The following GLI3 variants were observed in gnomAD, a reference collection of about 807,000 sequenced individuals.
GLI3 encodes the protein transcription activator GLI3.
GLI3 carries 20 observed loss-of-function variants against 100.8 expected under a neutral mutation model. The observed-to-expected ratio is 0.20, with a 90% CI of 0.14 to 0.29. GLI3 has a LOEUF of 0.29. Ranked by LOEUF, GLI3 falls within the 10% of genes least tolerant of loss-of-function variation. The pLI is 1.00. For missense variants in GLI3, 2,040 were observed against 2,128.5 expected (o/e 0.96, Z 0.82); for synonymous variants, 938 against 860.5 (o/e 1.09, Z -1.58).
At chr7:42,240,740 C>T (rs780059885), upstream of GLI3, among the ~76,000 whole-genome samples, 29 of 152,142 alleles carry the variant, frequency 1.9e-4, no homozygotes, top group Non-Finnish European at 3.5e-4. Context: ...TTCTGAGGTT[C>T]CTAGGGTTAG....
intron 3 of GLI3, among the ~76,000 whole-genome samples, chr7:42,134,066 G>A (rs1341253808): frequency 6.8e-6 from 1 of 146,092 alleles, no homozygotes; most frequent in African/African-American, 2.5e-5. Context: ...GGGCAACAGA[G>A]CGAGACTCTG....
At position 42,155,833 on chromosome 7, in the gene GLI3, T is replaced by A. The variant is rs914246855; in HGVS notation, c.125-7365A>T. On this transcript the variant is annotated intron_variant, in intron 2 of 14. Coordinates refer to ENST00000395925, the MANE Select transcript of GLI3 (RefSeq NM_000168.6). ...GCAAGCTGCCTCCTGTATTTTTTTTTTAAAAAGATAATGACAATGATGAGC... is the reference window on the plus strand; with the variant it reads ...GCAAGCTGCCTCCTGTATTTTTTTTATAAAAAGATAATGACAATGATGAGC... Among the ~76,000 whole-genome samples the A allele has an allele frequency of 2.5e-4, 38 of 152,178 alleles. 1 individual carries two copies. The highest frequency in any genetic ancestry group is 5.5e-4 in the African/African-American group (23 of 41,522).
At position 41,961,683 on chromosome 7, in the gene GLI3, G is replaced by C. The variant is rs1719880073; in HGVS notation, c.*2647C>G. 1 of 152,140 alleles carries C rather than the reference G, an allele frequency of 6.6e-6. No homozygotes were observed. 9.4% of individuals were successfully genotyped at this position (152,140 alleles called of 1,614,324 possible). On this transcript the variant is annotated 3_prime_UTR_variant, in exon 15 of 15. Transcript: ENST00000395925. ...CTCTCGCTCTAAAATGCATAGGTTA[G>C]AGAAATGGAGAGAGGCTTGGAGGCT...
At chr7:42,109,701 A>T (rs1785659996) in intron 3 of GLI3, among the ~76,000 whole-genome samples, 1 of 152,188 alleles carries the variant, frequency 6.6e-6, no homozygotes. Context: ...TTTCAGAACA[A>T]TGAAGAATCA....
At chr7:42,187,266 C>T (rs969968962) in intron 2 of GLI3, among the ~76,000 whole-genome samples, 3 of 151,374 alleles carry the variant, frequency 2.0e-5, no homozygotes, top group Admixed American at 2.0e-4. Context: ...TTTTAAAACG[C>T]TATTCACCCC....
chr7:42,228,407 G>A (rs1788627900), intron 1 of GLI3, among the ~76,000 whole-genome samples: 2 of 152,228 alleles, frequency 1.3e-5, no homozygotes, highest in African/African-American at 2.4e-5. Context: ...GGGTGGGGAG[G>A]TGAGCTCCAG....
chr7:42,187,675 G>C (rs117876409), intron 2 of GLI3, among the ~76,000 whole-genome samples: 1 of 152,226 alleles, frequency 6.6e-6, no homozygotes, highest in East Asian at 1.9e-4. Context: ...ACTGGATTAA[G>C]GTGAACCCTA....
intron 12 of GLI3, among the ~76,000 whole-genome samples, chr7:41,973,613 A>T (rs552403259): frequency 6.6e-6 from 1 of 152,352 alleles, no homozygotes; most frequent in South Asian, 2.1e-4. Flanking sequence ...ATATATTTAT[A>T]TCTATGTATA....
rs990247543 is a variant in GLI3, at chr7:42,222,955, T to A, written c.124+175A>T. On this transcript the variant is annotated intron_variant, in intron 2 of 14. Coordinates refer to ENST00000395925, the MANE Select transcript of GLI3 (RefSeq NM_000168.6). Reference sequence around the variant, plus strand: ...TCAACGTGTAGGTTGAGTGCCAAAATAGAGATTACTACATTCCATGTCCCC... The same window carrying A: ...TCAACGTGTAGGTTGAGTGCCAAAAAAGAGATTACTACATTCCATGTCCCC... The A allele has an allele frequency of 3.4e-5, 24 of 708,560 alleles. No individual in the cohort carries two copies. In the African/African-American group the frequency reaches 4.1e-4, roughly 12 times the overall value. The allele number at this position is 708,560 out of a possible 1,614,324, so 43.9% of individuals were successfully genotyped here.
chr7:42,222,752 A>T (rs1788510162), intron 2 of GLI3: 1 of 232,972 alleles, frequency 4.3e-6, no homozygotes, highest in Non-Finnish European at 8.6e-6. Flanking sequence ...AATTTTGACA[A>T]GACAACTTTT....
At chr7:42,113,535 C>T in intron 3 of GLI3, 4 of 1,175,888 alleles carry the variant, frequency 3.4e-6, no homozygotes, top group Non-Finnish European at 5.0e-6. Context: ...AAAGCTGATG[C>T]TGGCAAGGAG....
intron 10 of GLI3, among the ~76,000 whole-genome samples, chr7:41,997,618 C>G (rs1312350191): frequency 1.3e-5 from 2 of 152,174 alleles, no homozygotes. Flanking sequence ...TGTCCTAATT[C>G]TCCTGAACAT....
chr7:42,091,496 C>T (rs1159507926), intron 3 of GLI3, among the ~76,000 whole-genome samples: 6 of 152,258 alleles, frequency 3.9e-5, no homozygotes, highest in East Asian at 3.8e-4. Flanking sequence ...AACCCCACGA[C>T]GATGCTCTCT....
At chr7:42,043,030 G>A (rs1468439189) in intron 6 of GLI3, among the ~76,000 whole-genome samples, 1 of 152,134 alleles carries the variant, frequency 6.6e-6, no homozygotes, top group Non-Finnish European at 1.5e-5. Flanking sequence ...AAAGTCAGGT[G>A]CTTACCTGAA....
chr7:42,153,012 G>A (rs948446507), intron 2 of GLI3, among the ~76,000 whole-genome samples: 2 of 152,196 alleles, frequency 1.3e-5, no homozygotes, highest in Non-Finnish European at 2.9e-5. Context: ...AGTGAAACAT[G>A]TTCAAAACTA....
intron 12 of GLI3, among the ~76,000 whole-genome samples, chr7:41,975,890 A>G (rs1562665768): frequency 6.6e-6 from 1 of 152,246 alleles, no homozygotes; most frequent in Non-Finnish European, 1.5e-5. Flanking sequence ...AAATCTATGA[A>G]ATATATGAAA....
At chr7:42,218,844 C>T (rs1260412367) in intron 2 of GLI3, among the ~76,000 whole-genome samples, 1 of 152,076 alleles carries the variant, frequency 6.6e-6, no homozygotes, top group South Asian at 2.1e-4. Context: ...TCATTAGTTT[C>T]TTTTTTAAAG....
In GLI3 at chr7:41,967,537, C is replaced by A. The variant is rs1787217986; in HGVS notation, c.2431+59G>T. On this transcript the variant is annotated intron_variant, in intron 14 of 14. Coordinates refer to ENST00000395925, the MANE Select transcript of GLI3 (RefSeq NM_000168.6). Reference sequence around the variant, plus strand: ...TAGCAAACATAAAACTGAGGGCCTGCATTTAAAAGAACAGAAAAAAAAACC... The same window carrying A: ...TAGCAAACATAAAACTGAGGGCCTGAATTTAAAAGAACAGAAAAAAAAACC... The A allele has an allele frequency of 2.6e-6, 3 of 1,164,160 alleles. No individual in the cohort carries two copies. The African/African-American group carries it at 4.6e-5, about 18-fold the overall frequency. The allele number at this position is 1,164,160 out of a possible 1,614,324, so 72.1% of individuals were successfully genotyped here.
At chr7:42,115,571 G>A (rs1369226828) in intron 3 of GLI3, among the ~76,000 whole-genome samples, 1 of 152,156 alleles carries the variant, frequency 6.6e-6, no homozygotes, top group Non-Finnish European at 1.5e-5. Context: ...CATTAACTCT[G>A]TCAGGCCCCC....
Sources: allele counts gnomAD v4.1 joint callset (sites outside exome capture counted in the v4.1 genomes callset), GRCh38; gene constraint gnomAD v4.1.1; transcripts MANE v1.5; gene names NCBI Gene and HGNC (gene_info 2026-07-23, HGNC 2026-07-21).